Variants in LTBP1 observed in about 807,000 individuals in gnomAD.
LTBP1 encodes latent transforming growth factor beta binding protein 1.
In LTBP1, 129 loss-of-function variants were observed where a neutral mutation model predicts 207.6. That is an observed-to-expected ratio of 0.62 (90% CI 0.54 to 0.72). LTBP1 has a LOEUF of 0.72. Among genes scored for constraint, LTBP1 ranks in the 30% least tolerant of loss-of-function variants. The pLI, the probability that LTBP1 is intolerant of heterozygous loss-of-function variation, is 0.00. For synonymous variants in LTBP1, 963 were observed against 833.7 expected (o/e 1.16, Z -2.67); for missense variants, 2,281 against 2,217.2 (o/e 1.03, Z -0.58).
intron 2 of LTBP1, among the ~76,000 whole-genome samples, chr2:32,985,180 C>T (rs1347246720): frequency 6.6e-6 from 1 of 152,130 alleles, no homozygotes; most frequent in Non-Finnish European, 1.5e-5. Context: ...GGAGAACACC[C>T]TACTTTTGAA....
At chr2:33,367,037 C>G (rs1170675546) in intron 31 of LTBP1, among the ~76,000 whole-genome samples, 3 of 152,098 alleles carry the variant, frequency 2.0e-5, no homozygotes, top group Non-Finnish European at 4.4e-5. Context: ...AAGACACTCA[C>G]TTTTGACAGT....
At chr2:33,190,380 A>G (rs1348953780) in intron 7 of LTBP1, among the ~76,000 whole-genome samples, 1 of 152,212 alleles carries the variant, frequency 6.6e-6, no homozygotes, top group African/African-American at 2.4e-5. Flanking sequence ...TGGGAGTAAT[A>G]GAACTAATTG....
intron 10 of LTBP1, among the ~76,000 whole-genome samples, chr2:33,248,146 G>A (rs1247672350): frequency 6.6e-6 from 1 of 152,202 alleles, no homozygotes; most frequent in Admixed American, 6.5e-5. Flanking sequence ...AGACAGATCT[G>A]TACAAGCTGC....
intron 3 of LTBP1, among the ~76,000 whole-genome samples, chr2:33,057,201 C>T (rs1362390055): frequency 6.6e-6 from 1 of 151,490 alleles, no homozygotes; most frequent in Non-Finnish European, 1.5e-5. Context: ...ATACAGAGTG[C>T]CGATTGGTGC....
rs116568384 is a variant in LTBP1 at position 33,280,789 on chromosome 2, C to G, written c.3112+631C>G. On this transcript the variant is annotated intron_variant, in intron 19 of 33. Transcript: ENST00000404816. The stretch of plus-strand genomic sequence containing the variant: ...CAAATGCTTAAGAACTTACTATAGG[C>G]TATGCATGGTGGCTCATGCCTGTAA... Among the ~76,000 whole-genome samples, 1,147 of 152,308 alleles carry G rather than the reference C, an allele frequency of 7.5e-3. 8 individuals carry two copies. The highest frequency in any genetic ancestry group is 0.025 in the African/African-American group (1,022 of 41,568).
chr2:33,189,768 A>G (rs929763961), intron 7 of LTBP1, among the ~76,000 whole-genome samples: 1 of 152,146 alleles, frequency 6.6e-6, no homozygotes, highest in Non-Finnish European at 1.5e-5. Context: ...GCTCATGCCT[A>G]TAATCCTACC....
intron 31 of LTBP1, among the ~76,000 whole-genome samples, chr2:33,376,930 A>G (rs1194204668): frequency 6.6e-6 from 1 of 152,074 alleles, no homozygotes; most frequent in Non-Finnish European, 1.5e-5. Flanking sequence ...TAAGAGGAAA[A>G]ATACTAGATG....
chr2:33,152,596 A>G (rs778812344), intron 5 of LTBP1, among the ~76,000 whole-genome samples: 4 of 152,208 alleles, frequency 2.6e-5, no homozygotes, highest in Non-Finnish European at 4.4e-5. Flanking sequence ...AAGTCATTAT[A>G]CGAAAAAAGA....
intron 8 of LTBP1, among the ~76,000 whole-genome samples, chr2:33,220,805 C>T (rs902626659): frequency 3.9e-5 from 6 of 152,168 alleles, no homozygotes; most frequent in African/African-American, 9.7e-5. Context: ...CCATATCTCC[C>T]GTCTTTTAAT....
chr2:33,393,234 C>CTTTTTTTTTTTTTTTTCTTTTTT (rs2095330638), intron 32 of LTBP1, among the ~76,000 whole-genome samples: 1 of 48,744 alleles, frequency 2.1e-5, no homozygotes, highest in Non-Finnish European at 3.8e-5. Context: ...CCTTCTTCTT[C>CTTTTTTTTTTTTTTTTCTTTTTT]TTTTTTTTTT....
At chr2:33,254,499 A>G (rs1294341953) in intron 11 of LTBP1, among the ~76,000 whole-genome samples, 1 of 144,366 alleles carries the variant, frequency 6.9e-6, no homozygotes. Context: ...AGTTTTGGTT[A>G]TATGGTGATT....
chr2:33,276,724 G>A (rs543086129), intron 18 of LTBP1, among the ~76,000 whole-genome samples: 120 of 152,258 alleles, frequency 7.9e-4, no homozygotes, highest in Non-Finnish European at 1.4e-3. Flanking sequence ...GGTGGCACAC[G>A]CCTGTAATCC....
At chr2:33,247,097 G>C (rs1399878871) in intron 10 of LTBP1, among the ~76,000 whole-genome samples, 1 of 152,186 alleles carries the variant, frequency 6.6e-6, no homozygotes, top group African/African-American at 2.4e-5. Context: ...AAAAGGCCCA[G>C]ATAAAAGAAT....
intron 3 of LTBP1, among the ~76,000 whole-genome samples, chr2:33,032,738 T>G (rs2075746879): frequency 6.6e-6 from 1 of 152,250 alleles, no homozygotes; most frequent in Non-Finnish European, 1.5e-5. Flanking sequence ...TTCAGACTTA[T>G]ATTCATTTAA....
intron 26 of LTBP1, among the ~76,000 whole-genome samples, chr2:33,356,783 A>G (rs945226682): frequency 6.6e-6 from 1 of 152,266 alleles, no homozygotes; most frequent in Admixed American, 6.5e-5. Flanking sequence ...TCATTAAAAC[A>G]TTAATGCCTG....
chr2:33,134,645 C>G lies in LTBP1; in HGVS notation c.1034-148C>G, dbSNP rs2082008931. ...GCGAGCACTGAAGGCTTCCCTCTTT[C>G]CTTAAACCTGTCGGGTTGTGGGCTC... is the stretch of plus-strand genomic sequence containing the variant. On this transcript the variant is annotated intron_variant, in intron 4 of 33. Transcript: ENST00000404816. The surrounding 1 kb of genome is among the most constrained non-coding windows in gnomAD (Gnocchi z 4.4). The G allele has an allele frequency of 3.0e-5, 46 of 1,550,668 alleles. No homozygotes were observed. The South Asian group carries it at 5.5e-4, about 18-fold the overall frequency.
chr2:33,327,618 T>C (rs1230245382), intron 24 of LTBP1, among the ~76,000 whole-genome samples: 1 of 152,228 alleles, frequency 6.6e-6, no homozygotes, highest in African/African-American at 2.4e-5. Context: ...AAATAAGTTA[T>C]AGGGTATTAG....
At chr2:33,013,053 A>AT (rs1195048211) in intron 2 of LTBP1, among the ~76,000 whole-genome samples, 4 of 152,058 alleles carry the variant, frequency 2.6e-5, no homozygotes, top group Admixed American at 1.3e-4. Flanking sequence ...GTTCTTTTAA[A>AT]TTTTTTCTTG....
At chr2:33,323,810 A>G (rs2094390251) in intron 24 of LTBP1, among the ~76,000 whole-genome samples, 1 of 152,208 alleles carries the variant, frequency 6.6e-6, no homozygotes. Context: ...AATGTGATGT[A>G]CACTTCTGTG....
Sources: allele counts gnomAD v4.1 joint callset (sites outside exome capture counted in the v4.1 genomes callset), GRCh38; gene constraint gnomAD v4.1.1; non-coding constraint Gnocchi (gnomAD v3.1); transcripts MANE v1.5; gene names NCBI Gene and HGNC (gene_info 2026-07-23, HGNC 2026-07-21).